The following DSCAM variants were observed in gnomAD, a reference collection of about 807,000 sequenced individuals.
DSCAM encodes cell adhesion molecule DSCAM.
A neutral mutation model predicts 217.7 loss-of-function variants in DSCAM; 47 were observed. The ratio of observed to expected loss-of-function variants is 0.22; its 90% CI spans 0.17 to 0.28. The LOEUF (loss-of-function observed/expected upper bound fraction) is 0.28. DSCAM is among the 10% of genes least tolerant of loss of function. The probability of loss-of-function intolerance (pLI) is 1.00; values close to 1 mark genes in which losing one functional copy is unlikely to be tolerated. For synonymous variants in DSCAM, 1,056 were observed against 1,015.3 expected (o/e 1.04, Z -0.76); for missense variants, 2,080 against 2,618.3 (o/e 0.79, Z 4.49).
At chr21:40,332,893 TG>T (rs1418903747) in intron 8 of DSCAM, among the ~76,000 whole-genome samples, 1 of 152,226 alleles carries the variant, frequency 6.6e-6, no homozygotes, top group East Asian at 1.9e-4. Flanking sequence ...AAAATAGTAT[TG>T]TTTCCAAATA....
intron 3 of DSCAM, among the ~76,000 whole-genome samples, chr21:40,531,483 G>C (rs914592517): frequency 1.3e-5 from 2 of 152,210 alleles, no homozygotes; most frequent in African/African-American, 4.8e-5. Flanking sequence ...ACTGCAGACT[G>C]ATGGGCAGGG....
At chr21:40,029,035 T>C (rs2088463002) in intron 32 of DSCAM, among the ~76,000 whole-genome samples, 3 of 152,088 alleles carry the variant, frequency 2.0e-5, no homozygotes, top group Admixed American at 2.0e-4. Context: ...ATTATTGTCT[T>C]CTTCCATAAG....
At chr21:40,175,624 C>G (rs2090716031) in intron 15 of DSCAM, among the ~76,000 whole-genome samples, 1 of 151,900 alleles carries the variant, frequency 6.6e-6, no homozygotes, top group Non-Finnish European at 1.5e-5. Flanking sequence ...ATGGGTCCAC[C>G]CTCACTTCCT....
intron 8 of DSCAM, among the ~76,000 whole-genome samples, chr21:40,324,140 AAAGAG>A (rs2074292495): frequency 6.6e-6 from 1 of 150,454 alleles, no homozygotes; most frequent in Non-Finnish European, 1.5e-5. Context: ...AAGAAAAAAA[AAAGAG>A]AGAGAGAGAA....
At chr21:40,486,019 G>A (rs2076025196) in intron 3 of DSCAM, among the ~76,000 whole-genome samples, 2 of 152,056 alleles carry the variant, frequency 1.3e-5, no homozygotes. Context: ...ACAAAACTAC[G>A]TACTATAAAC....
intron 1 of DSCAM, among the ~76,000 whole-genome samples, chr21:40,759,744 C>T (rs2091312125): frequency 6.6e-6 from 1 of 152,128 alleles, no homozygotes; most frequent in Non-Finnish European, 1.5e-5. Context: ...TGCCATCATC[C>T]CATGAGCCTG....
At chr21:40,805,954 C>T (rs1038191148) in intron 1 of DSCAM, among the ~76,000 whole-genome samples, 10 of 152,140 alleles carry the variant, frequency 6.6e-5, no homozygotes, top group South Asian at 2.1e-4. Context: ...GTGATCTGCC[C>T]GCCTCGGCCT....
chr21:40,468,076 C>T (rs943079231), intron 3 of DSCAM, among the ~76,000 whole-genome samples: 5 of 152,240 alleles, frequency 3.3e-5, no homozygotes, highest in South Asian at 2.1e-4. Flanking sequence ...TTCACAGGTG[C>T]GGGACGAAGG....
chr21:40,735,348 A>G (rs1253522581), intron 1 of DSCAM, among the ~76,000 whole-genome samples: 1 of 152,216 alleles, frequency 6.6e-6, no homozygotes, highest in Non-Finnish European at 1.5e-5. Context: ...AACGTATACA[A>G]TTTACAGCAA....
At chr21:40,528,819 C>T (rs539320920) in intron 3 of DSCAM, among the ~76,000 whole-genome samples, 6 of 151,044 alleles carry the variant, frequency 4.0e-5, no homozygotes, top group Admixed American at 1.3e-4. Flanking sequence ...CAGCAGCCAG[C>T]GAGGTGAGCA....
intron 1 of DSCAM, among the ~76,000 whole-genome samples, chr21:40,786,204 C>T (rs1446285670): frequency 1.3e-5 from 2 of 150,768 alleles, no homozygotes; most frequent in Non-Finnish European, 2.9e-5. Context: ...CCATTGTACT[C>T]CAGCCTGGGC....
chr21:40,483,214 G>A (rs983104536), intron 3 of DSCAM, among the ~76,000 whole-genome samples: 6 of 152,304 alleles, frequency 3.9e-5, no homozygotes, highest in East Asian at 1.9e-4. Flanking sequence ...GATCTTGCAG[G>A]ACTTACAAAT....
At chr21:40,127,920 T>G (rs1397481363) in intron 19 of DSCAM, among the ~76,000 whole-genome samples, 1 of 152,086 alleles carries the variant, frequency 6.6e-6, no homozygotes, top group Non-Finnish European at 1.5e-5. Flanking sequence ...GCCCTTGGGA[T>G]GCCATGATCC....
At chr21:40,709,140 G>A (rs1338902687) in intron 1 of DSCAM, among the ~76,000 whole-genome samples, 1 of 152,058 alleles carries the variant, frequency 6.6e-6, no homozygotes, top group Non-Finnish European at 1.5e-5. Flanking sequence ...GCCTCATGAG[G>A]ACAAGGTCTT....
intron 3 of DSCAM, among the ~76,000 whole-genome samples, chr21:40,594,581 G>C (rs528389682): frequency 1.6e-4 from 24 of 152,308 alleles, no homozygotes; most frequent in Non-Finnish European, 7.3e-5. Context: ...CACAGGGTAG[G>C]GGGTAATAAA....
intron 14 of DSCAM, among the ~76,000 whole-genome samples, chr21:40,183,750 A>T (rs1458725263): frequency 1.3e-5 from 2 of 152,230 alleles, no homozygotes; most frequent in Non-Finnish European, 2.9e-5. Flanking sequence ...TCAAGCATAG[A>T]GTGAATGGTC....
chr21:40,381,501 A>C (rs1371852334), intron 3 of DSCAM, among the ~76,000 whole-genome samples: 1 of 152,212 alleles, frequency 6.6e-6, no homozygotes, highest in Admixed American at 6.5e-5. Flanking sequence ...ACATACAAAA[A>C]GGAAAAAATA....
rs2088098875 is a variant in DSCAM, at chr21:40,013,401, A to G, written c.5687-15T>C. The G allele has an allele frequency of 6.6e-7, 1 of 1,511,016 alleles. No homozygotes were observed. The highest frequency in any genetic ancestry group is 8.9e-7 in the Non-Finnish European group (1 of 1,128,794). 93.6% of individuals were successfully genotyped at this position (1,511,016 alleles called of 1,614,324 possible). ...TATGAGGTCACCTAGAAGGAAAGAC[A>G]GGGTAGTTAGTTGGTGTCTTCATTT... is the stretch of plus-strand genomic sequence containing the variant. On this transcript the variant is annotated splice_polypyrimidine_tract_variant and intron_variant, in intron 32 of 32. Transcript: ENST00000400454.
At chr21:40,149,150 C>T (rs749236254) in intron 16 of DSCAM, among the ~76,000 whole-genome samples, 9 of 151,810 alleles carry the variant, frequency 5.9e-5, no homozygotes, top group Non-Finnish European at 1.0e-4. Context: ...TCACTACCAC[C>T]GCAAATATCC....
Sources: gnomAD v4.1 joint callset for allele counts (sites outside exome capture counted in the v4.1 genomes callset) on GRCh38, gnomAD v4.1.1 for gene constraint, MANE v1.5 for transcripts, NCBI Gene and HGNC (gene_info 2026-07-23, HGNC 2026-07-21) for gene names.